Variants in DCDC1 observed in about 807,000 individuals in gnomAD.
DCDC1 encodes the protein doublecortin domain-containing protein 1.
In DCDC1, 200 loss-of-function variants were observed where a neutral mutation model predicts 178.3. The ratio of observed to expected loss-of-function variants is 1.12; its 90% CI spans 1.00 to 1.26. DCDC1 has a LOEUF of 1.26. DCDC1 is among the 50% of genes most tolerant of loss of function. The probability of loss-of-function intolerance (pLI) is 0.00; values close to 1 mark genes in which losing one functional copy is unlikely to be tolerated. For missense variants in DCDC1, 1,983 were observed against 1,749.2 expected (o/e 1.13, Z -2.38); for synonymous variants, 690 against 604.8 (o/e 1.14, Z -2.07).
chr11:30,985,953 G>T (rs1950618638), intron 20 of DCDC1, among the ~76,000 whole-genome samples: 1 of 152,058 alleles, frequency 6.6e-6, no homozygotes, highest in African/African-American at 2.4e-5. Context: ...CCATTTTTTT[G>T]AGGGGGACAG....
chr11:31,334,192 C>G (rs574289360), intron 2 of DCDC1, among the ~76,000 whole-genome samples: 3 of 152,158 alleles, frequency 2.0e-5, no homozygotes, highest in African/African-American at 7.2e-5. Flanking sequence ...CTCATGCATG[C>G]GTCACATAGT....
Position 30,895,156 on chromosome 11 carries a change from C to T in DCDC1, c.4766-772G>A, listed in dbSNP as rs1446411464. On this transcript the variant is annotated intron_variant, in intron 34 of 38. Transcript: ENST00000684477. ...CTAAGCTTATTAAGTAAAAATAATG[C>T]TTTCTCTTGTATCTTCTTTCCAAAA... Among the ~76,000 whole-genome samples the T allele has an allele frequency of 2.6e-5, 4 of 152,192 alleles. No homozygotes were observed. The East Asian group carries it at 5.8e-4, about 22-fold the overall frequency.
At chr11:31,173,820 A>T (rs527524440) in intron 9 of DCDC1, among the ~76,000 whole-genome samples, 2 of 152,222 alleles carry the variant, frequency 1.3e-5, no homozygotes, top group East Asian at 3.9e-4. Flanking sequence ...CAAAAAAGAA[A>T]ATTTGGCCAG....
chr11:31,275,489 CGTT>C (rs749933140), intron 7 of DCDC1, among the ~76,000 whole-genome samples: 22 of 152,120 alleles, frequency 1.4e-4, no homozygotes, highest in African/African-American at 3.4e-4. Context: ...TTTCTGTCGT[CGTT>C]GTTGTTGTTG....
At chr11:30,925,273 A>G (rs771759108) in intron 23 of DCDC1, 36 bp downstream of exon 23, 30 of 1,519,284 alleles carry the variant, frequency 2.0e-5, no homozygotes, top group Admixed American at 1.0e-4. Context: ...GGGTATTAAT[A>G]AATTAATATT....
chr11:31,158,082 T>A (rs1164675728), intron 9 of DCDC1, among the ~76,000 whole-genome samples: 1 of 149,412 alleles, frequency 6.7e-6, no homozygotes, highest in Non-Finnish European at 1.5e-5. Flanking sequence ...TTTTCAAATA[T>A]ACAAAACATT....
intron 4 of DCDC1, 126 bp from the exon 5 acceptor site, chr11:31,306,514 C>T (rs908717964): frequency 3.2e-6 from 3 of 932,314 alleles, no homozygotes; most frequent in Non-Finnish European, 4.3e-6. Flanking sequence ...TATAAGTATA[C>T]CTAACAAAAC....
intron 20 of DCDC1, among the ~76,000 whole-genome samples, chr11:31,013,442 C>T (rs1219716076): frequency 6.6e-6 from 1 of 152,080 alleles, no homozygotes; most frequent in Non-Finnish European, 1.5e-5. Flanking sequence ...ATAATAAGTG[C>T]TCAGTAAATG....
At chr11:30,909,771 G>A (rs1342017661) in intron 28 of DCDC1, among the ~76,000 whole-genome samples, 1 of 151,938 alleles carries the variant, frequency 6.6e-6, no homozygotes, top group African/African-American at 2.4e-5. Flanking sequence ...TTATCAAAGA[G>A]GTTTATTTTT....
intron 6 of DCDC1, among the ~76,000 whole-genome samples, chr11:31,305,015 T>C (rs571021139): frequency 5.9e-5 from 9 of 152,158 alleles, no homozygotes; most frequent in Non-Finnish European, 1.3e-4. Context: ...ATTTCTGAAA[T>C]GTTGGAAGAA....
chr11:31,278,763 C>G (rs1271202011), intron 7 of DCDC1, among the ~76,000 whole-genome samples: 1 of 152,032 alleles, frequency 6.6e-6, no homozygotes, highest in East Asian at 1.9e-4. Context: ...TTCAAATCAT[C>G]ATGTAGTATA....
In DCDC1 at chr11:31,279,246, TTG is replaced by T. The variant is rs1555161525; in HGVS notation, c.960+11399_960+11400del. 1.1e-3 allele frequency among the ~76,000 whole-genome samples: 169 copies of T among 151,634 alleles called. 2 individuals carry two copies. Among genetic ancestry groups the T allele is most frequent in the African/African-American group, 3.6e-3 (151 of 41,388 alleles). On this transcript the variant is annotated intron_variant, in intron 7 of 38. Transcript: ENST00000684477. ...ATTTTTACATTTCATTTTCTTTTTT[TTG>T]TGTGTGTGTGTGTGTATATCTCCTC...
At chr11:31,109,105 A>G (rs981458518) in intron 12 of DCDC1, among the ~76,000 whole-genome samples, 6 of 150,892 alleles carry the variant, frequency 4.0e-5, no homozygotes, top group Admixed American at 2.7e-4. Context: ...AAGTTTCTAT[A>G]GAATAATATC....
chr11:31,158,723 A>G (rs898919361), intron 9 of DCDC1, among the ~76,000 whole-genome samples: 2 of 152,228 alleles, frequency 1.3e-5, no homozygotes, highest in Non-Finnish European at 2.9e-5. Context: ...ATATTCAAAT[A>G]TGCACACCAA....
intron 8 of DCDC1, among the ~76,000 whole-genome samples, chr11:31,258,637 C>G (rs1400797046): frequency 6.6e-6 from 1 of 152,178 alleles, no homozygotes; most frequent in African/African-American, 2.4e-5. Context: ...GAGGAAATGG[C>G]AGCAGTGTTC....
At chr11:30,889,327 AT>A (rs1371469712) in intron 36 of DCDC1, among the ~76,000 whole-genome samples, 1 of 152,224 alleles carries the variant, frequency 6.6e-6, no homozygotes, top group Non-Finnish European at 1.5e-5. Flanking sequence ...ACATGGCTAA[AT>A]CATCCAGAAT....
At chr11:30,927,285 A>T (rs1480431310) in intron 22 of DCDC1, among the ~76,000 whole-genome samples, 1 of 152,062 alleles carries the variant, frequency 6.6e-6, no homozygotes, top group Non-Finnish European at 1.5e-5. Context: ...ATACTGCTGC[A>T]TGTGGCTTTC....
chr11:31,330,441 C>T (rs1029040643), intron 2 of DCDC1, among the ~76,000 whole-genome samples: 2 of 152,162 alleles, frequency 1.3e-5, no homozygotes, highest in African/African-American at 2.4e-5. Context: ...GTTGCCATTG[C>T]TTTTGGTGTT....
intron 9 of DCDC1, among the ~76,000 whole-genome samples, chr11:31,152,849 C>T (rs779081103): frequency 9.9e-5 from 15 of 152,104 alleles, no homozygotes; most frequent in South Asian, 4.1e-4. Context: ...AACCACAGAA[C>T]GGCATAATTA....
Sources: allele counts gnomAD v4.1 joint callset (sites outside exome capture counted in the v4.1 genomes callset), GRCh38; gene constraint gnomAD v4.1.1; transcripts MANE v1.5; gene names NCBI Gene and HGNC (gene_info 2026-07-23, HGNC 2026-07-21).